The following TNFRSF11A variants were observed in gnomAD, a reference collection of about 807,000 sequenced individuals.
TNFRSF11A encodes the protein tumor necrosis factor receptor superfamily member 11A.
Under a neutral mutation model 55.7 loss-of-function variants are expected in TNFRSF11A, and 32 were observed. The observed-to-expected ratio is 0.57, with a 90% CI of 0.43 to 0.77. TNFRSF11A has a LOEUF of 0.77. TNFRSF11A is among the 30% of genes least tolerant of loss of function. The pLI is 0.00. For missense variants in TNFRSF11A, 753 were observed against 809.8 expected (o/e 0.93, Z 0.85); for synonymous variants, 311 against 331.0 (o/e 0.94, Z 0.65).
Position 62,385,372 on chromosome 18 carries a change from T to C in TNFRSF11A, c.*338T>C, listed in dbSNP as rs1422021843. 1 of 240,978 alleles carries C rather than the reference T, an allele frequency of 4.1e-6. No homozygotes were observed. The highest frequency in any genetic ancestry group is 5.6e-5 in the Admixed American group (1 of 17,846). 14.9% of individuals were successfully genotyped at this position (240,978 alleles called of 1,614,324 possible). On this transcript the variant is annotated 3_prime_UTR_variant, in exon 10 of 10. Transcript: ENST00000586569. ...GGGGGGGGTCTGTTTTCCCCCCATA[T>C]TTGTATTCCTTTTCATAACTTTTCT...
At chr18:62,338,278 G>A (rs1417108228) in intron 1 of TNFRSF11A, among the ~76,000 whole-genome samples, 1 of 152,212 alleles carries the variant, frequency 6.6e-6, no homozygotes, top group East Asian at 1.9e-4. Context: ...AGGGGTGGGT[G>A]CCTCGAAGAG....
chr18:62,369,204 C>A lies in TNFRSF11A; in HGVS notation c.1287C>A (p.Gly429=), dbSNP rs1293277862. Residue 429 remains glycine, a synonymous_variant, in exon 9 of 10, where the codon GGC becomes GGA. Coordinates refer to ENST00000586569, the MANE Select transcript of TNFRSF11A (RefSeq NM_003839.4). ...ENYLQKEVDS[G]HCPHWAASPS... is the part of the protein sequence containing the mutation. ...ACTTGCAAAAAGAGGTGGACAGTGG[C>A]CATTGCCCGCACTGGGCAGCCAGCC... 44 of 1,613,954 alleles carry A rather than the reference C, an allele frequency of 2.7e-5. No individual in the cohort carries two copies. Among genetic ancestry groups the A allele is most frequent in the Non-Finnish European group, 3.7e-5 (44 of 1,180,042 alleles).
chr18:62,329,820 C>A (rs1160600937), intron 1 of TNFRSF11A, among the ~76,000 whole-genome samples: 1 of 152,134 alleles, frequency 6.6e-6, no homozygotes, highest in Non-Finnish European at 1.5e-5. Flanking sequence ...ACCAGAAGCT[C>A]CTTGTCAGAG....
At chr18:62,345,682 G>A (rs999527479) in intron 1 of TNFRSF11A, among the ~76,000 whole-genome samples, 2 of 152,048 alleles carry the variant, frequency 1.3e-5, no homozygotes, top group Admixed American at 6.6e-5. Context: ...ACCACTGAAC[G>A]GTAGGTATAC....
intron 4 of TNFRSF11A, 136 bp from the exon 5 acceptor site, chr18:62,358,112 G>A: frequency 1.3e-6 from 1 of 777,524 alleles, no homozygotes; most frequent in Non-Finnish European, 2.2e-6. Context: ...GGTGGGCACA[G>A]GGGTGGGAGG....
chr18:62,371,343 A>G (rs1910537699), intron 9 of TNFRSF11A, among the ~76,000 whole-genome samples: 1 of 152,192 alleles, frequency 6.6e-6, no homozygotes, highest in South Asian at 2.1e-4. Flanking sequence ...TTGGAAGAAC[A>G]GTGTTGGCCA....
intron 1 of TNFRSF11A, among the ~76,000 whole-genome samples, chr18:62,347,903 A>T (rs1172435293): frequency 4.2e-4 from 2 of 4,790 alleles, no homozygotes; most frequent in Admixed American, 3.2e-3. Context: ...GACTCTGTCT[A>T]AAAAAAAAAA....
chr18:62,344,163 A>G (rs928098307), intron 1 of TNFRSF11A, among the ~76,000 whole-genome samples: 1 of 152,234 alleles, frequency 6.6e-6, no homozygotes, highest in Non-Finnish European at 1.5e-5. Context: ...TGTGCAGAAG[A>G]GTGACTGGGA....
chr18:62,361,318 C>T (rs1375493869), intron 6 of TNFRSF11A, among the ~76,000 whole-genome samples: 1 of 152,140 alleles, frequency 6.6e-6, no homozygotes, highest in Admixed American at 6.6e-5. Flanking sequence ...ATAGAAGAAG[C>T]TCCTTTTGTC....
At chr18:62,354,352 C>G (rs1412226822) in intron 3 of TNFRSF11A, 39 bp from the exon 4 acceptor site, 1 of 1,526,216 alleles carries the variant, frequency 6.6e-7, no homozygotes, top group Non-Finnish European at 8.8e-7. Flanking sequence ...GGGCTGCCTG[C>G]CCCTCCCTGG....
At chr18:62,370,883 G>A (rs980482974) in intron 9 of TNFRSF11A, among the ~76,000 whole-genome samples, 1 of 151,176 alleles carries the variant, frequency 6.6e-6, no homozygotes, top group Admixed American at 6.6e-5. Context: ...AGGCTGGAGT[G>A]CAGTGGCGCG....
rs1460119924 is a variant in TNFRSF11A, at chr18:62,390,023, G to A, written c.*4989G>A. On this transcript the variant is annotated 3_prime_UTR_variant, in exon 10 of 10. Transcript: ENST00000586569. Reference sequence around the variant, plus strand: ...ATGACGTGAGATGAGAGACAACCAAGCACTCACTGGCAGTTCCTAGAAGAT... The same window carrying A: ...ATGACGTGAGATGAGAGACAACCAAACACTCACTGGCAGTTCCTAGAAGAT... The A allele has an allele frequency of 1.3e-5, 2 of 152,216 alleles. No homozygotes were observed. The highest frequency in any genetic ancestry group is 4.8e-5 in the African/African-American group (2 of 41,442). The allele number at this position is 152,216 out of a possible 1,614,324, so 9.4% of individuals were successfully genotyped here.
chr18:62,342,425 A>AAAAAAAAAAAAAAAAAAAC (rs2046327226), intron 1 of TNFRSF11A, among the ~76,000 whole-genome samples: 2 of 144,430 alleles, frequency 1.4e-5, no homozygotes, highest in Non-Finnish European at 1.5e-5. Flanking sequence ...AAAAAAAAAA[A>AAAAAAAAAAAAAAAAAAAC]TCCTATATTC....
At chr18:62,384,325 C>A (rs1400469370) in intron 9 of TNFRSF11A, among the ~76,000 whole-genome samples, 2 of 144,994 alleles carry the variant, frequency 1.4e-5, no homozygotes, top group Non-Finnish European at 3.0e-5. Flanking sequence ...TGTTCCTCCT[C>A]TCCTCCTCCT....
At chr18:62,342,863 TATTA>T (rs1458395983) in intron 1 of TNFRSF11A, among the ~76,000 whole-genome samples, 1 of 152,260 alleles carries the variant, frequency 6.6e-6, no homozygotes, top group African/African-American at 2.4e-5. Context: ...TACTCTGATG[TATTA>T]ATTCTACCTT....
At chr18:62,348,126 G>T (rs1217549501) in intron 1 of TNFRSF11A, 42 bp from the exon 2 acceptor site, 1 of 1,442,406 alleles carries the variant, frequency 6.9e-7, no homozygotes, top group Non-Finnish European at 9.8e-7. Flanking sequence ...TATCCAGAAA[G>T]AGCTGTGTGG....
chr18:62,364,637 T>A (rs1031771555), intron 7 of TNFRSF11A, among the ~76,000 whole-genome samples: 2 of 152,018 alleles, frequency 1.3e-5, no homozygotes, highest in African/African-American at 4.8e-5. Flanking sequence ...TCTCTTTTGG[T>A]GGGGGGTAGG....
intron 7 of TNFRSF11A, among the ~76,000 whole-genome samples, chr18:62,363,575 G>A (rs1342729763): frequency 1.3e-5 from 2 of 151,890 alleles, no homozygotes; most frequent in Admixed American, 6.6e-5. Context: ...CACCACGTTG[G>A]TCAGGCTGGT....
At chr18:62,348,103 T>C in intron 1 of TNFRSF11A, 65 bp from the exon 2 acceptor site, 3 of 1,296,432 alleles carry the variant, frequency 2.3e-6, no homozygotes, top group South Asian at 1.2e-5. Flanking sequence ...TCCCTTTTTG[T>C]TTTACCTAGT....
Sources: allele counts gnomAD v4.1 joint callset (sites outside exome capture counted in the v4.1 genomes callset), GRCh38; gene constraint gnomAD v4.1.1; transcripts MANE v1.5; gene names NCBI Gene and HGNC (gene_info 2026-07-23, HGNC 2026-07-21).